The following ESR1 variants were observed in gnomAD, a reference collection of about 807,000 sequenced individuals.
The protein encoded by ESR1 is estrogen receptor.
Under a neutral mutation model 52.7 loss-of-function variants are expected in ESR1, and 12 were observed. The ratio of observed to expected loss-of-function variants is 0.23; its 90% confidence interval spans 0.15 to 0.37. ESR1 has a LOEUF of 0.37. Ranked by LOEUF, ESR1 falls within the 10% of genes least tolerant of loss-of-function variation. The pLI, the probability that ESR1 is intolerant of heterozygous loss-of-function variation, is 1.00. For missense variants in ESR1, 584 were observed against 779.7 expected (o/e 0.75, Z 2.99); for synonymous variants, 305 against 316.8 (o/e 0.96, Z 0.39).
intron 4 of ESR1, among the ~76,000 whole-genome samples, chr6:151,995,800 A>G (rs2041428454): frequency 6.6e-6 from 1 of 152,214 alleles, no homozygotes; most frequent in Admixed American, 6.5e-5. Flanking sequence ...CTAACACTTA[A>G]TGAGTAATGA....
At chr6:151,811,884 C>G (rs1460737155) in intron 1 of ESR1, among the ~76,000 whole-genome samples, 2 of 152,128 alleles carry the variant, frequency 1.3e-5, no homozygotes, top group Admixed American at 6.5e-5. Flanking sequence ...CTCCATGTGG[C>G]TTGTACCTGT....
At chr6:152,079,962 G>A (rs1039105700) in intron 6 of ESR1, among the ~76,000 whole-genome samples, 2 of 152,094 alleles carry the variant, frequency 1.3e-5, no homozygotes, top group African/African-American at 4.8e-5. Context: ...GAAAAGAAAC[G>A]AACAAAGCCT....
chr6:151,814,342 C>G (rs9340777), intron 1 of ESR1, among the ~76,000 whole-genome samples: 3,873 of 152,174 alleles, frequency 0.025, 176 homozygotes, highest in African/African-American at 0.089. Flanking sequence ...GTTTCATTTG[C>G]TTTATTTTCT....
At chr6:152,066,406 A>C (rs1443895567) in intron 6 of ESR1, among the ~76,000 whole-genome samples, 1 of 152,208 alleles carries the variant, frequency 6.6e-6, no homozygotes, top group Non-Finnish European at 1.5e-5. Context: ...TATTGACTGT[A>C]AACACTGAAA....
chr6:151,931,464 T>TA (rs1459791840), intron 3 of ESR1, among the ~76,000 whole-genome samples: 3 of 152,264 alleles, frequency 2.0e-5, no homozygotes, highest in African/African-American at 2.4e-5. Context: ...TCTTTTTTTT[T>TA]ATTATACTTT....
intron 1 of ESR1, among the ~76,000 whole-genome samples, chr6:151,840,362 A>G (rs965789351): frequency 3.9e-5 from 6 of 152,202 alleles, no homozygotes; most frequent in Non-Finnish European, 7.3e-5. Flanking sequence ...GTAACAGAAT[A>G]TGAACTAGAA....
At chr6:151,680,693 T>C (rs145237942) in intron 1 of ESR1, among the ~76,000 whole-genome samples, 3 of 152,246 alleles carry the variant, frequency 2.0e-5, no homozygotes, top group African/African-American at 7.2e-5. Flanking sequence ...GGGACACAAA[T>C]CTTTCAGTCC....
chr6:152,079,991 T>C (rs763237100), intron 6 of ESR1, among the ~76,000 whole-genome samples: 8 of 152,162 alleles, frequency 5.3e-5, no homozygotes, highest in Non-Finnish European at 7.4e-5. Flanking sequence ...TATGGGACTA[T>C]GTGAAACAAA....
intron 4 of ESR1, among the ~76,000 whole-genome samples, chr6:151,947,008 ATAATAG>A (rs2035776229): frequency 6.6e-6 from 1 of 152,252 alleles, no homozygotes; most frequent in African/African-American, 2.4e-5. Context: ...AATGACAATA[ATAATAG>A]TAAGTTTTAA....
At chr6:151,913,858 A>G (rs577774868) in intron 3 of ESR1, among the ~76,000 whole-genome samples, 1 of 152,284 alleles carries the variant, frequency 6.6e-6, no homozygotes, top group African/African-American at 2.4e-5. Flanking sequence ...TTCTTAGTTA[A>G]AAAATGATTC....
At chr6:151,804,915 A>G (rs1323631015), upstream of ESR1, 3 of 152,258 alleles carry the variant, frequency 2.0e-5, no homozygotes, top group African/African-American at 7.2e-5. Context: ...AGGTGGATCC[A>G]TGTGAACGCC....
intron 2 of ESR1, among the ~76,000 whole-genome samples, chr6:151,710,936 A>T (rs143026509): frequency 0.011 from 1,636 of 152,150 alleles, 23 homozygotes; most frequent in African/African-American, 0.037. Context: ...ACATTTTCTT[A>T]ATCCAGTCTA....
At chr6:151,888,066 A>G (rs901912654) in intron 3 of ESR1, among the ~76,000 whole-genome samples, 5 of 152,122 alleles carry the variant, frequency 3.3e-5, no homozygotes, top group Admixed American at 1.3e-4. Context: ...TTTAATTACT[A>G]TAGCTTTATA....
At chr6:151,952,180 T>A (rs2036402261) in intron 4 of ESR1, among the ~76,000 whole-genome samples, 1 of 152,244 alleles carries the variant, frequency 6.6e-6, no homozygotes, top group Admixed American at 6.5e-5. Flanking sequence ...ATTAGGACTT[T>A]ATTATCTAGC....
At position 151,672,278 on chromosome 6, in the gene ESR1, T is replaced by A. The variant is rs538295441; in HGVS notation, n.73+15515T>A. 2.0e-5 allele frequency among the ~76,000 whole-genome samples: 3 copies of A among 151,526 alleles called. No individual in the cohort carries two copies. In the East Asian group the frequency reaches 5.8e-4, roughly 29 times the overall value. ...ATATATGCGGTTTTTATTTGTCAAT[T>A]AAAAAAAAGAGAGGGGACTATAGGC... On this transcript the variant is annotated intron_variant and non_coding_transcript_variant, in intron 1 of 2. Coordinates refer to the ESR1 transcript ENST00000473497.
intron 6 of ESR1, among the ~76,000 whole-genome samples, chr6:152,086,842 C>G (rs1192645128): frequency 6.6e-6 from 1 of 152,068 alleles, no homozygotes; most frequent in African/African-American, 2.4e-5. Context: ...CTTATACACA[C>G]TAGTCTAACA....
At chr6:151,684,152 T>C (rs1043853062) in intron 1 of ESR1, among the ~76,000 whole-genome samples, 1 of 151,878 alleles carries the variant, frequency 6.6e-6, no homozygotes, top group Non-Finnish European at 1.5e-5. Context: ...TGTGGAGAGA[T>C]TCAGAGAAGG....
chr6:151,949,811 G>A (rs1234025780), intron 4 of ESR1, among the ~76,000 whole-genome samples: 2 of 152,198 alleles, frequency 1.3e-5, no homozygotes, highest in Admixed American at 1.3e-4. Context: ...TTATTGGCCT[G>A]GATGCTATTA....
chr6:151,699,823 C>T (rs1197420174), intron 1 of ESR1, among the ~76,000 whole-genome samples: 1 of 152,132 alleles, frequency 6.6e-6, no homozygotes, highest in African/African-American at 2.4e-5. Flanking sequence ...TTCATCCATT[C>T]TCTTAGGTCA....
Sources: allele counts gnomAD v4.1 joint callset (sites outside exome capture counted in the v4.1 genomes callset), GRCh38; gene constraint gnomAD v4.1.1; transcripts MANE v1.5; gene names NCBI Gene and HGNC (gene_info 2026-07-23, HGNC 2026-07-21).